RALGPS1: variants seen among roughly 807,000 people sequenced by gnomAD.
RALGPS1 encodes Ral GEF with PH domain and SH3 binding motif 1.
In RALGPS1, 19 loss-of-function variants were observed where a neutral mutation model predicts 78.8. The ratio of observed to expected loss-of-function variants is 0.24; its 90% CI spans 0.17 to 0.35. The LOEUF (loss-of-function observed/expected upper bound fraction) is 0.35. Ranked by LOEUF, RALGPS1 falls within the 10% of genes least tolerant of loss-of-function variation. RALGPS1 has a pLI of 1.00. For synonymous variants in RALGPS1, 228 were observed against 256.3 expected, an observed-to-expected ratio of 0.89 and a Z score of 1.06; for missense variants, 454 against 688.3, an observed-to-expected ratio of 0.66 and a Z score of 3.81.
intron 8 of RALGPS1, chr9:127,079,981 A>C (rs1011685148): frequency 1.3e-5 from 2 of 152,264 alleles, no homozygotes; most frequent in Non-Finnish European, 2.9e-5. Context: ...TGTAAAACTC[A>C]ACACATAAAG....
intron 8 of RALGPS1, among the ~76,000 whole-genome samples, chr9:127,165,866 G>A (rs1253731807): frequency 1.3e-5 from 2 of 152,200 alleles, no homozygotes; most frequent in African/African-American, 4.8e-5. Flanking sequence ...ATACATTTTG[G>A]TTGTTGCTCA....
chr9:127,065,124 A>T (rs1358045484), intron 7 of RALGPS1, among the ~76,000 whole-genome samples: 1 of 151,540 alleles, frequency 6.6e-6, no homozygotes, highest in African/African-American at 2.4e-5. Context: ...AATTATTATT[A>T]TTTTTTTGAG....
Position 127,168,706 on chromosome 9 carries a change from A to G in RALGPS1, c.776A>G (p.Gln259Arg), listed in dbSNP as rs1446874828. Reference sequence around the variant, plus strand: ...CACCTCACCACCCTGCCCCATGTGCAGAAGTACCTGAAGTCCGTACGCTAC... The same window carrying G: ...CACCTCACCACCCTGCCCCATGTGCGGAAGTACCTGAAGTCCGTACGCTAC... ...YDHLTTLPHV[Q>R]KYLKSVRYIE... Residue 259 changes from glutamine to arginine, a missense_variant, in exon 10 of 19, where the codon CAG becomes CGG. Coordinates refer to ENST00000259351, the MANE Select transcript of RALGPS1 (RefSeq NM_014636.3). The G allele has an allele frequency of 1.2e-6, 2 of 1,613,776 alleles. No homozygotes were observed. The highest frequency in any genetic ancestry group is 1.7e-5 in the Admixed American group (1 of 60,006).
chr9:127,013,364 T>A (rs1043835142), intron 4 of RALGPS1, among the ~76,000 whole-genome samples: 1 of 152,088 alleles, frequency 6.6e-6, no homozygotes, highest in African/African-American at 2.4e-5. Context: ...GGTGCCATAG[T>A]CACAGCATGC....
At chr9:127,160,488 G>C (rs1007420844) in intron 8 of RALGPS1, among the ~76,000 whole-genome samples, 2 of 152,200 alleles carry the variant, frequency 1.3e-5, no homozygotes, top group Non-Finnish European at 2.9e-5. Flanking sequence ...CTACAGCAGT[G>C]TCACCAGGCC....
At chr9:127,165,806 G>A (rs959520790) in intron 8 of RALGPS1, among the ~76,000 whole-genome samples, 3 of 152,184 alleles carry the variant, frequency 2.0e-5, no homozygotes, top group Admixed American at 2.0e-4. Flanking sequence ...ACAGGTAAAA[G>A]CCTTATTGCT....
At chr9:127,008,032 G>A (rs954068401) in intron 4 of RALGPS1, among the ~76,000 whole-genome samples, 10 of 152,014 alleles carry the variant, frequency 6.6e-5, no homozygotes, top group African/African-American at 2.2e-4. Context: ...GAATGTCTAG[G>A]TGCTGTTCTC....
chr9:127,151,191 AAG>A (rs1216535387), intron 8 of RALGPS1, among the ~76,000 whole-genome samples: 1 of 151,830 alleles, frequency 6.6e-6, no homozygotes, highest in African/African-American at 2.4e-5. Context: ...TCAAAAAAAA[AAG>A]AGAGAAAAAA....
chr9:127,194,934 A>T (rs371775301), intron 11 of RALGPS1, among the ~76,000 whole-genome samples, 157 bp from the exon 12 acceptor site: 1 of 152,198 alleles, frequency 6.6e-6, no homozygotes, highest in African/African-American at 2.4e-5. Context: ...ATGAGTAGGA[A>T]GCTACAGAGC....
intron 14 of RALGPS1, among the ~76,000 whole-genome samples, chr9:127,200,078 A>G (rs1050080525): frequency 1.3e-5 from 2 of 152,148 alleles, no homozygotes; most frequent in Non-Finnish European, 2.9e-5. Flanking sequence ...ACGTGGGTGT[A>G]TACACTCACA....
chr9:127,193,191 C>T (rs933790388), intron 11 of RALGPS1, among the ~76,000 whole-genome samples: 1 of 152,144 alleles, frequency 6.6e-6, no homozygotes, highest in African/African-American at 2.4e-5. Flanking sequence ...AGGGCCCCGG[C>T]CTGGTGGGAA....
chr9:127,075,947 A>T (rs749358406), intron 8 of RALGPS1, among the ~76,000 whole-genome samples: 59 of 152,208 alleles, frequency 3.9e-4, no homozygotes, highest in Non-Finnish European at 7.1e-4. Context: ...ACTCCTTTTA[A>T]TGCAAATTGT....
chr9:127,095,469 C>T (rs1443394800), intron 8 of RALGPS1, among the ~76,000 whole-genome samples: 21 of 152,316 alleles, frequency 1.4e-4, no homozygotes, highest in Non-Finnish European at 2.9e-5. Context: ...AAGAAAGTAC[C>T]ATTGTATGTT....
At chr9:127,057,626 C>G (rs1361588661) in intron 7 of RALGPS1, among the ~76,000 whole-genome samples, 3 of 152,258 alleles carry the variant, frequency 2.0e-5, no homozygotes, top group African/African-American at 7.2e-5. Flanking sequence ...TATCCCAGCA[C>G]TGGGACCACT....
At position 127,219,583 on chromosome 9, in the gene RALGPS1, G is replaced by A. The variant is rs982221354; in HGVS notation, c.*814G>A. On this transcript the variant is annotated 3_prime_UTR_variant, in exon 19 of 19. Coordinates refer to ENST00000259351, the MANE Select transcript of RALGPS1 (RefSeq NM_014636.3). The surrounding 1 kb of genome is among the most constrained non-coding windows in gnomAD (Gnocchi z 5.0). ...ACCTGGCTTCAGGACTGTGGACTGG[G>A]CTGCTGGCCTGCTTGCTTCCTCCCT... is the stretch of plus-strand genomic sequence containing the variant. The A allele has an allele frequency of 5.9e-5, 9 of 152,666 alleles. No homozygotes were observed. Among genetic ancestry groups the A allele is most frequent in the African/African-American group, 2.2e-4 (9 of 41,454 alleles). The allele number at this position is 152,666 out of a possible 1,614,324, so 9.5% of individuals were successfully genotyped here.
In RALGPS1 at chr9:126,979,241, ATGTGTGTGTGTGTG is replaced by A. The variant is rs57264470; in HGVS notation, c.216+1517_216+1530del. On this transcript the variant is annotated intron_variant, in intron 4 of 18. Transcript: ENST00000259351. The stretch of plus-strand genomic sequence containing the variant: ...CAGTTATTTGTATTATTGTATTATT[ATGTGTGTGTGTGTG>A]TGTGTGTGTGTGTGTGTGTGCTTGT... Among the ~76,000 whole-genome samples the A allele has an allele frequency of 7.5e-5, 11 of 146,788 alleles. No homozygotes were observed. In the South Asian group the frequency reaches 8.6e-4, roughly 11 times the overall value.
chr9:127,025,288 G>A (rs528528197), intron 4 of RALGPS1, among the ~76,000 whole-genome samples: 2 of 152,140 alleles, frequency 1.3e-5, no homozygotes, highest in East Asian at 3.8e-4. Flanking sequence ...TTTGTTCATC[G>A]CCTCACCAGC....
intron 1 of RALGPS1, among the ~76,000 whole-genome samples, chr9:126,943,884 A>C (rs947100059): frequency 2.3e-4 from 35 of 152,184 alleles, no homozygotes; most frequent in African/African-American, 8.4e-4. Flanking sequence ...AGGCCCAATA[A>C]TGTAATGTGG....
intron 8 of RALGPS1, among the ~76,000 whole-genome samples, chr9:127,144,233 G>A (rs967777216): frequency 1.3e-5 from 2 of 152,152 alleles, no homozygotes; most frequent in Non-Finnish European, 2.9e-5. Context: ...TCAGGTGACC[G>A]CTGGATCCCC....
Sources: allele counts gnomAD v4.1 joint callset (sites outside exome capture counted in the v4.1 genomes callset), GRCh38; gene constraint gnomAD v4.1.1; non-coding constraint Gnocchi (gnomAD v3.1); transcripts MANE v1.5; gene names NCBI Gene and HGNC (gene_info 2026-07-23, HGNC 2026-07-21).